SAMMSON: variants seen among roughly 807,000 people sequenced by gnomAD.
SAMMSON encodes the protein long intergenic non-protein coding RNA 1212.
chr3:70,050,656 G>A (rs1018037738), intron 3 of SAMMSON, among the ~76,000 whole-genome samples: 1 of 152,116 alleles, frequency 6.6e-6, no homozygotes, highest in African/African-American at 2.4e-5. Context: ...AATCAGATTT[G>A]CTATGGATCT....
chr3:70,400,614 G>A, intron 2 of SAMMSON, among the ~76,000 whole-genome samples: 1 of 152,104 alleles, frequency 6.6e-6, no homozygotes, highest in Non-Finnish European at 1.5e-5. Context: ...ATACTAAATG[G>A]ACTCAGACAT....
intron 9 of SAMMSON, among the ~76,000 whole-genome samples, chr3:70,363,124 A>G (rs997437170): frequency 2.2e-4 from 33 of 152,076 alleles, no homozygotes; most frequent in African/African-American, 7.5e-4. Context: ...ATGAAAGCAT[A>G]TGGTAATTGC....
chr3:70,381,403 G>T (rs775336407), intron 9 of SAMMSON, among the ~76,000 whole-genome samples: 2 of 152,110 alleles, frequency 1.3e-5, no homozygotes, highest in African/African-American at 2.4e-5. Flanking sequence ...AAAACGATGG[G>T]GTGAAAGACA....
chr3:70,398,069 C>G (rs1263620293), intron 2 of SAMMSON, among the ~76,000 whole-genome samples: 1 of 152,092 alleles, frequency 6.6e-6, no homozygotes, highest in Non-Finnish European at 1.5e-5. Context: ...TGTCTAGAAG[C>G]AAAATTTCTG....
intron 3 of SAMMSON, among the ~76,000 whole-genome samples, chr3:70,056,220 A>G (rs1180847073): frequency 1.3e-5 from 2 of 151,994 alleles, no homozygotes; most frequent in Admixed American, 6.6e-5. Flanking sequence ...TCACCATGTG[A>G]TTGTCCATCT....
chr3:70,029,420 T>A (rs2067055786), intron 3 of SAMMSON, among the ~76,000 whole-genome samples: 1 of 152,214 alleles, frequency 6.6e-6, no homozygotes, highest in Admixed American at 6.5e-5. Flanking sequence ...CTTCTAAACC[T>A]CCCATTTAGC....
intron 6 of SAMMSON, among the ~76,000 whole-genome samples, chr3:70,264,038 G>T (rs1425861924): frequency 2.6e-5 from 4 of 152,160 alleles, no homozygotes; most frequent in Non-Finnish European, 4.4e-5. Flanking sequence ...TTATCATTAT[G>T]TTATAAATTC....
chr3:70,336,724 A>G (rs757813919), intron 7 of SAMMSON, among the ~76,000 whole-genome samples: 3 of 151,796 alleles, frequency 2.0e-5, no homozygotes, highest in Non-Finnish European at 4.4e-5. Flanking sequence ...TTTTATTTTC[A>G]TCAATGTCCA....
At chr3:70,039,207 T>C (rs1187157565) in intron 3 of SAMMSON, among the ~76,000 whole-genome samples, 5 of 152,122 alleles carry the variant, frequency 3.3e-5, no homozygotes, top group Admixed American at 6.6e-5. Flanking sequence ...CCATTAGTTA[T>C]TGGCCATCAA....
At chr3:70,333,949 G>A (rs544301550) in intron 7 of SAMMSON, among the ~76,000 whole-genome samples, 1 of 152,284 alleles carries the variant, frequency 6.6e-6, no homozygotes, top group South Asian at 2.1e-4. Context: ...GTTATCTGAT[G>A]GTCACCTATT....
intron 2 of SAMMSON, among the ~76,000 whole-genome samples, chr3:70,422,706 A>C (rs911553659): frequency 1.3e-5 from 2 of 152,010 alleles, no homozygotes; most frequent in African/African-American, 4.8e-5. Flanking sequence ...AATTTTTGAA[A>C]TTTAGTTAAT....
At chr3:70,051,738 A>T (rs1275179360) in intron 3 of SAMMSON, among the ~76,000 whole-genome samples, 1 of 122,240 alleles carries the variant, frequency 8.2e-6, no homozygotes, top group Non-Finnish European at 1.7e-5. Flanking sequence ...TAACTTAATA[A>T]ATTTATGTTG....
intron 6 of SAMMSON, chr3:70,272,261 C>G (rs1039252370): frequency 4.0e-5 from 6 of 151,866 alleles, no homozygotes; most frequent in Non-Finnish European, 8.8e-5. Context: ...CCCCAAGATG[C>G]TCCTTTACGC....
chr3:70,314,330 A>C (rs1489702941), intron 7 of SAMMSON, among the ~76,000 whole-genome samples: 1 of 152,206 alleles, frequency 6.6e-6, no homozygotes, highest in Non-Finnish European at 1.5e-5. Flanking sequence ...CCAAAGTTGT[A>C]GAATACATAT....
intron 4 of SAMMSON, among the ~76,000 whole-genome samples, chr3:70,094,346 T>A (rs532153014): frequency 6.6e-6 from 1 of 152,214 alleles, no homozygotes; most frequent in East Asian, 1.9e-4. Context: ...GAGTTCAGAG[T>A]AATGTTCTCA....
intron 4 of SAMMSON, among the ~76,000 whole-genome samples, chr3:70,123,896 A>G (rs2106668754): frequency 6.6e-6 from 1 of 152,328 alleles, no homozygotes; most frequent in Non-Finnish European, 1.5e-5. Flanking sequence ...AATGAAATGG[A>G]GCCAGCATGT....
At position 70,314,660 on chromosome 3, in the gene SAMMSON, C is replaced by T. The variant is rs937785850; in HGVS notation, n.739+23417C>T. On this transcript the variant is annotated intron_variant and non_coding_transcript_variant, in intron 7 of 9. Transcript: ENST00000642114. ...GACACGGCTGAAGCTACTAGTCCTC[C>T]CAGTTTATTTTCACTTTTATTTTAA... is the stretch of plus-strand genomic sequence containing the variant. 3.9e-5 allele frequency among the ~76,000 whole-genome samples: 6 copies of T among 152,026 alleles called. No homozygotes were observed. The South Asian group carries it at 1.2e-3, about 32-fold the overall frequency.
intron 4 of SAMMSON, among the ~76,000 whole-genome samples, chr3:70,222,170 G>A (rs1701466442): frequency 6.6e-6 from 1 of 152,086 alleles, no homozygotes; most frequent in East Asian, 1.9e-4. Context: ...GTATTCTGCT[G>A]GTCTCTTTCT....
chr3:70,142,013 T>TA (rs1440682624), intron 4 of SAMMSON, among the ~76,000 whole-genome samples: 4 of 151,992 alleles, frequency 2.6e-5, no homozygotes, highest in Admixed American at 1.3e-4. Context: ...ATGGCCATAA[T>TA]AAAAAAATGA....
Sources: allele counts gnomAD v4.1 joint callset (sites outside exome capture counted in the v4.1 genomes callset), GRCh38; gene constraint gnomAD v4.1.1; transcripts MANE v1.5; gene names NCBI Gene and HGNC (gene_info 2026-07-23, HGNC 2026-07-21).